Variants in CUBN observed in about 807,000 individuals in gnomAD.
The protein encoded by CUBN is cubilin.
A neutral mutation model predicts 405.3 loss-of-function variants in CUBN; 282 were observed. That is an observed-to-expected ratio of 0.70 (90% CI 0.63 to 0.77). CUBN has a LOEUF of 0.77. CUBN is among the 30% of genes least tolerant of loss of function. The pLI, the probability that CUBN is intolerant of heterozygous loss-of-function variation, is 0.00. For missense variants in CUBN, 4,514 were observed against 4,475.2 expected, an observed-to-expected ratio of 1.01 and a Z score of -0.25; for synonymous variants, 1,684 against 1,617.0, an observed-to-expected ratio of 1.04 and a Z score of -0.99.
At chr10:16,974,451 T>A (rs1588538685) in intron 31 of CUBN, among the ~76,000 whole-genome samples, 1 of 151,220 alleles carries the variant, frequency 6.6e-6, no homozygotes, top group African/African-American at 2.4e-5. Context: ...TGAGAGGGAG[T>A]CTCACTCTGT....
At chr10:17,114,812 A>G (rs930156099) in intron 7 of CUBN, among the ~76,000 whole-genome samples, 1 of 152,174 alleles carries the variant, frequency 6.6e-6, no homozygotes, top group Non-Finnish European at 1.5e-5. Flanking sequence ...AGGCCGGGAA[A>G]AGTCAGACTC....
intron 17 of CUBN, among the ~76,000 whole-genome samples, chr10:17,082,601 C>A (rs1453162272): frequency 1.3e-5 from 2 of 152,164 alleles, no homozygotes; most frequent in African/African-American, 4.8e-5. Flanking sequence ...TCTTGCGTAT[C>A]TGAGAAAATC....
intron 57 of CUBN, 72 bp downstream of exon 57, chr10:16,876,825 G>A (rs767903529): frequency 1.4e-5 from 18 of 1,250,446 alleles, no homozygotes; most frequent in East Asian, 1.4e-4. Flanking sequence ...TGTATGAATC[G>A]CAGTGAAAAC....
At position 16,890,354 on chromosome 10, in the gene CUBN, T is replaced by C. The variant is rs780852514; in HGVS notation, c.8755+17A>G. On this transcript the variant is annotated intron_variant, in intron 55 of 66. Coordinates refer to ENST00000377833, the MANE Select transcript of CUBN (RefSeq NM_001081.4). Reference sequence around the variant, plus strand: ...CTCCCGCAAAGACCTCTGGGTTTGGTTCTTAGGGCTACTTACGGCTAACAA... The same window carrying C: ...CTCCCGCAAAGACCTCTGGGTTTGGCTCTTAGGGCTACTTACGGCTAACAA... 5 of 1,612,120 alleles carry C rather than the reference T, an allele frequency of 3.1e-6. No individual in the cohort carries two copies. In the South Asian group the frequency reaches 4.4e-5, roughly 14 times the overall value.
In CUBN at chr10:16,990,440, T is replaced by C. The variant is rs1405039562; in HGVS notation, c.4244A>G (p.Lys1415Arg). The C allele has an allele frequency of 9.9e-6, 16 of 1,614,084 alleles. No individual in the cohort carries two copies. Among genetic ancestry groups the C allele is most frequent in the Non-Finnish European group, 1.2e-5 (14 of 1,180,030 alleles). Residue 1415 changes from lysine to arginine, a missense_variant, in exon 29 of 67, where the codon AAG becomes AGG. Transcript: ENST00000377833. ...CGTCCTAATGTACCAGATACACTCC[T>C]TGTTTGGTGGATACCTGTTGGGGAA... is the stretch of plus-strand genomic sequence containing the variant. ...PGFPNRYPPN[K>R]ECIWYIRTDP...
rs66664283 is a variant in CUBN, at chr10:16,862,160, T to TCACACACACACA, written c.9454+7464_9454+7475dup. 1.2e-3 allele frequency among the ~76,000 whole-genome samples: 161 copies of TCACACACACACA among 131,204 alleles called. 1 individual carries two copies. Among genetic ancestry groups the TCACACACACACA allele is most frequent in the East Asian group, 4.6e-3 (21 of 4,604 alleles). 86.1% of individuals were successfully genotyped at this position (131,204 alleles called of 152,430 possible). ...GAGACTCCGTCTCTCTCTCTCTCTC[T>TCACACACACACA]CACACACACACACACACACACACAC... On this transcript the variant is annotated intron_variant, in intron 59 of 66. Coordinates refer to ENST00000377833, the MANE Select transcript of CUBN (RefSeq NM_001081.4).
intron 37 of CUBN, among the ~76,000 whole-genome samples, chr10:16,939,684 A>C (rs1842603392): frequency 6.6e-6 from 1 of 152,234 alleles, no homozygotes; most frequent in Admixed American, 6.5e-5. Flanking sequence ...AAGAACGTAG[A>C]GTTTATGAAA....
chr10:16,937,641 C>T lies in CUBN; in HGVS notation c.5877G>A (p.Glu1959=), dbSNP rs368934375. ...CATCAGGTGCATCCACTGCAAACCACTCCAGAAGGAATCCCTTCCCTGAGA... is the reference window on the plus strand; with the variant it reads ...CATCAGGTGCATCCACTGCAAACCATTCCAGAAGGAATCCCTTCCCTGAGA... ...SSISGKGFLL[E]WFAVDAPDGV... Residue 1959 remains glutamate (E), a synonymous_variant, in exon 39 of 67, where the codon GAG becomes GAA. Transcript: ENST00000377833. The T allele has an allele frequency of 1.1e-5, 18 of 1,613,968 alleles. No individual in the cohort carries two copies. In the East Asian group the frequency reaches 2.5e-4, roughly 22 times the overall value.
intron 41 of CUBN, among the ~76,000 whole-genome samples, chr10:16,926,377 A>C (rs1358709127): frequency 6.6e-6 from 1 of 152,184 alleles, no homozygotes; most frequent in Non-Finnish European, 1.5e-5. Context: ...CTGAATAAGA[A>C]GAGGAAGATG....
rs150259565 is a variant in CUBN, at chr10:16,929,515, T to C, written c.6125-1212A>G. ...CAGCCACATGGATTCTTTGTGGCAC[T>C]GACTACAACTTGAAACTCATTCATT... On this transcript the variant is annotated intron_variant, in intron 40 of 66. Transcript: ENST00000377833. Among the ~76,000 whole-genome samples, 987 of 152,354 alleles carry C rather than the reference T, an allele frequency of 6.5e-3. 11 individuals are homozygous for C. Among genetic ancestry groups the C allele is most frequent in the African/African-American group, 0.022 (898 of 41,586 alleles).
chr10:16,926,971 A>G (rs755001325), intron 41 of CUBN, among the ~76,000 whole-genome samples: 13 of 151,874 alleles, frequency 8.6e-5, no homozygotes, highest in Non-Finnish European at 1.8e-4. Context: ...TTTATCCCTC[A>G]TACCCCACCC....
At chr10:17,055,168 T>TA (rs1835363085) in intron 22 of CUBN, among the ~76,000 whole-genome samples, 1 of 151,768 alleles carries the variant, frequency 6.6e-6, no homozygotes, top group African/African-American at 2.4e-5. Flanking sequence ...CTAAACAGAA[T>TA]AAAAAAAGAA....
intron 59 of CUBN, among the ~76,000 whole-genome samples, chr10:16,862,203 C>T (rs1050592200): frequency 2.8e-5 from 4 of 145,200 alleles, no homozygotes; most frequent in Non-Finnish European, 4.5e-5. Context: ...CATCACATCC[C>T]TGGGTATTTT....
At position 16,834,995 on chromosome 10, in the gene CUBN, A is replaced by G; in HGVS notation, c.10362+19T>C. 1 of 1,607,134 alleles carries G rather than the reference A, an allele frequency of 6.2e-7. No individual in the cohort carries two copies. The highest frequency in any genetic ancestry group is 8.5e-7 in the Non-Finnish European group (1 of 1,173,698). On this transcript the variant is annotated intron_variant, in intron 64 of 66. Transcript: ENST00000377833. Reference sequence around the variant, plus strand: ...ATCTTTTAAATAATTCATTCAAACGATATTCAAATGCATATCACCTCCAAG... The same window carrying G: ...ATCTTTTAAATAATTCATTCAAACGGTATTCAAATGCATATCACCTCCAAG...
chr10:16,892,068 C>T (rs1420630479), intron 54 of CUBN, among the ~76,000 whole-genome samples: 1 of 152,128 alleles, frequency 6.6e-6, no homozygotes, highest in Admixed American at 6.5e-5. Flanking sequence ...AATAAAACAT[C>T]AAGTCATTAA....
chr10:17,106,331 C>T (rs973062844), intron 10 of CUBN, among the ~76,000 whole-genome samples: 1 of 148,294 alleles, frequency 6.7e-6, no homozygotes. Context: ...TAATAAAGAG[C>T]CCTATGGAAT....
chr10:16,836,036 T>A (rs943607267), intron 63 of CUBN, among the ~76,000 whole-genome samples, 199 bp downstream of exon 63: 2 of 152,256 alleles, frequency 1.3e-5, no homozygotes, highest in Admixed American at 1.3e-4. Flanking sequence ...GATAGTATTA[T>A]ATTCTCTTTA....
chr10:17,045,637 G>A (rs992325141), intron 24 of CUBN, among the ~76,000 whole-genome samples: 3 of 151,980 alleles, frequency 2.0e-5, no homozygotes, highest in African/African-American at 4.8e-5. Flanking sequence ...CCCCTGCCTC[G>A]GCCTCCCAAA....
Position 17,123,173 on chromosome 10 carries a change from A to T in CUBN, c.490-275T>A, listed in dbSNP as rs531338369. ...AATCCTCAGTTCACAGTGGTGCTAC[A>T]TCTGGGAATACTTACTTAACTTTTT... is the stretch of plus-strand genomic sequence containing the variant. On this transcript the variant is annotated intron_variant, in intron 5 of 66. Coordinates refer to ENST00000377833, the MANE Select transcript of CUBN (RefSeq NM_001081.4). Among the ~76,000 whole-genome samples, 6 of 152,298 alleles carry T rather than the reference A, an allele frequency of 3.9e-5. No individual in the cohort carries two copies. The South Asian group carries it at 8.3e-4, about 21-fold the overall frequency.
Sources: allele counts gnomAD v4.1 joint callset (sites outside exome capture counted in the v4.1 genomes callset), GRCh38; gene constraint gnomAD v4.1.1; transcripts MANE v1.5; gene names NCBI Gene and HGNC (gene_info 2026-07-23, HGNC 2026-07-21).